The following PCDHA8 variants were observed in gnomAD, a reference collection of about 807,000 sequenced individuals.
PCDHA8 encodes protocadherin alpha-8.
In PCDHA8, 53 loss-of-function variants were observed where a neutral mutation model predicts 61.8. The observed-to-expected ratio is 0.86, with a 90% CI of 0.69 to 1.08. The LOEUF (loss-of-function observed/expected upper bound fraction) is 1.08. PCDHA8 is among the 50% of genes least tolerant of loss of function. The pLI, the probability that PCDHA8 is intolerant of heterozygous loss-of-function variation, is 0.00. For synonymous variants in PCDHA8, 618 were observed against 556.6 expected, an observed-to-expected ratio of 1.11 and a Z score of -1.55; for missense variants, 1,293 against 1,245.0, an observed-to-expected ratio of 1.04 and a Z score of -0.58.
At position 140,948,398 on chromosome 5, in the gene PCDHA8, T is replaced by G. The variant is rs147325819; in HGVS notation, c.2395-30551T>G. 6.9e-3 allele frequency among the ~76,000 whole-genome samples: 1,051 copies of G among 151,748 alleles called. 6 individuals carry two copies. The highest frequency in any genetic ancestry group is 0.017 in the Middle Eastern group (5 of 294). Reference sequence around the variant, plus strand: ...CCTTCCTCTATTTTCTGAAAGGTTGTGTAATATTGGTGTTATTTCTTCCTT... The same window carrying G: ...CCTTCCTCTATTTTCTGAAAGGTTGGGTAATATTGGTGTTATTTCTTCCTT... On this transcript the variant is annotated intron_variant, in intron 1 of 3. Transcript: ENST00000531613.
chr5:140,856,338 G>T lies in PCDHA8; in HGVS notation c.2394+12623G>T, dbSNP rs781903292. The T allele has an allele frequency of 3.9e-5, 62 of 1,598,498 alleles. 11 individuals are homozygous for T. In the Admixed American group the frequency reaches 1.0e-3, roughly 27 times the overall value. On this transcript the variant is annotated intron_variant, in intron 1 of 3. Coordinates refer to ENST00000531613, the MANE Select transcript of PCDHA8 (RefSeq NM_018911.3). ...ATTGACCGCGAGGAGCTGTGCGGGC[G>T]GAGCGTGGAGTGCAGCATCCACCTG...
At chr5:140,996,590 C>G (rs1325471388) in intron 3 of PCDHA8, among the ~76,000 whole-genome samples, 7 of 152,096 alleles carry the variant, frequency 4.6e-5, no homozygotes, top group African/African-American at 1.7e-4. Context: ...CAAGGGCCGC[C>G]TCCCCCCATT....
chr5:140,869,384 A>G, intron 1 of PCDHA8: 1 of 1,614,120 alleles, frequency 6.2e-7, no homozygotes, highest in South Asian at 1.1e-5. Context: ...GACCGCGAGG[A>G]GCTGTGCGGG....
chr5:140,871,755 T>C (rs2053292269), intron 1 of PCDHA8, among the ~76,000 whole-genome samples: 1 of 152,248 alleles, frequency 6.6e-6, no homozygotes. Context: ...AGAAATGAGA[T>C]GCAAGAGTGA....
intron 1 of PCDHA8, chr5:140,869,938 T>TA (rs2051517617): frequency 6.2e-7 from 1 of 1,611,918 alleles, no homozygotes; most frequent in Admixed American, 1.7e-5. Context: ...AGAGGTAACA[T>TA]ACTCCTTAAT....
intron 1 of PCDHA8, among the ~76,000 whole-genome samples, chr5:140,909,116 T>C (rs1273091505): frequency 6.6e-6 from 1 of 152,182 alleles, no homozygotes; most frequent in African/African-American, 2.4e-5. Context: ...ATCAGCAAAA[T>C]GTCATCAAGG....
At position 140,857,846 on chromosome 5, in the gene PCDHA8, T is replaced by C. The variant is rs782107328; in HGVS notation, c.2394+14131T>C. 6.3e-6 allele frequency: 10 copies of C among 1,597,716 alleles called. 1 individual carries two copies. Among genetic ancestry groups the C allele is most frequent in the Non-Finnish European group, 8.6e-6 (10 of 1,167,514 alleles). ...TAAGGTGCGCGCAGTGGACGCTGAC[T>C]CTGGATACAACGCGTGGCTGTCGTA... is the stretch of plus-strand genomic sequence containing the variant. On this transcript the variant is annotated intron_variant, in intron 1 of 3. Coordinates refer to ENST00000531613, the MANE Select transcript of PCDHA8 (RefSeq NM_018911.3).
Position 140,843,329 on chromosome 5 carries a change from G to A in PCDHA8, c.2008G>A (p.Val670Met). 3 of 1,596,060 alleles carry A rather than the reference G, an allele frequency of 1.9e-6. No individual in the cohort carries two copies. The highest frequency in any genetic ancestry group is 2.6e-6 in the Non-Finnish European group (3 of 1,165,592). ...CACGGCCACGGTTCTGGTGTCGCTG[G>A]TGGAGAGCGGCCAGGCTCCAAAAGC... ...TATATVLVSL[V>M]ESGQAPKASS... is the part of the protein sequence containing the mutation. Residue 670 changes from valine (V) to methionine (M), a missense_variant, in exon 1 of 4, where the codon GTG becomes ATG. Val to Met is a conservative substitution (Grantham distance 21). Coordinates refer to ENST00000531613, the MANE Select transcript of PCDHA8 (RefSeq NM_018911.3).
intron 1 of PCDHA8, chr5:140,860,433 T>C (rs2046395592): frequency 6.6e-6 from 1 of 152,064 alleles, no homozygotes; most frequent in Non-Finnish European, 1.5e-5. Context: ...GCAAATATGA[T>C]CTTTTTCATA....
chr5:140,986,634 A>C (rs1587175680), intron 3 of PCDHA8, among the ~76,000 whole-genome samples: 3 of 152,202 alleles, frequency 2.0e-5, no homozygotes, highest in South Asian at 2.1e-4. Flanking sequence ...GCAACAGTAC[A>C]TTAGTTTTAG....
At chr5:140,926,986 C>T (rs782199565) in intron 1 of PCDHA8, 1 of 1,610,712 alleles carries the variant, frequency 6.2e-7, no homozygotes, top group Non-Finnish European at 8.5e-7. Flanking sequence ...GGAGACGGAG[C>T]GGGGCGTAGC....
At position 140,848,981 on chromosome 5, in the gene PCDHA8, C is replaced by A. The variant is rs2150427833; in HGVS notation, c.2394+5266C>A. 2.6e-5 allele frequency: 41 copies of A among 1,598,746 alleles called. No homozygotes were observed. The Middle Eastern group carries it at 5.0e-4, about 19-fold the overall frequency. On this transcript the variant is annotated intron_variant, in intron 1 of 3. Transcript: ENST00000531613. ...TAGAGGGCGCGTCCGATGCAGATAT[C>A]GGGGAGAACGCCCTGCTCACTTACA...
chr5:140,876,236 T>C (rs782328225), intron 1 of PCDHA8: 24 of 1,613,974 alleles, frequency 1.5e-5, no homozygotes, highest in Non-Finnish European at 1.4e-5. Flanking sequence ...TCTGAAAATG[T>C]CCAAAACGAC....
chr5:140,869,679 G>A, intron 1 of PCDHA8: 1 of 1,613,452 alleles, frequency 6.2e-7, no homozygotes, highest in Non-Finnish European at 8.5e-7. Flanking sequence ...TTAAAAGACT[G>A]TCACTTATTT....
Position 141,011,605 on chromosome 5 carries a change from T to C in PCDHA8, c.*1668T>C, listed in dbSNP as rs971128266. On this transcript the variant is annotated 3_prime_UTR_variant, in exon 4 of 4. Coordinates refer to ENST00000531613, the MANE Select transcript of PCDHA8 (RefSeq NM_018911.3). The stretch of plus-strand genomic sequence containing the variant: ...AAGATACTGGTGATTCAAGGAATTT[T>C]ATTTATGGTCCAGCCAAGAGCCATC... 4 of 153,780 alleles carry C rather than the reference T, an allele frequency of 2.6e-5. No homozygotes were observed. Among genetic ancestry groups the C allele is most frequent in the Non-Finnish European group, 4.4e-5 (3 of 68,032 alleles). 9.5% of individuals were successfully genotyped at this position (153,780 alleles called of 1,614,324 possible). A position where few individuals can be genotyped will look rare whatever the true frequency, so the allele number is the denominator to read the frequency against.
chr5:140,883,119 C>T, intron 1 of PCDHA8: 1 of 1,613,998 alleles, frequency 6.2e-7, no homozygotes, highest in Non-Finnish European at 8.5e-7. Context: ...TTTAGAAGGC[C>T]TGTATGGCCT....
At chr5:140,871,360 AG>A in intron 1 of PCDHA8, 1 of 1,614,180 alleles carries the variant, frequency 6.2e-7, no homozygotes, top group East Asian at 2.2e-5. Context: ...CTCGCAGCAG[AG>A]GCGGCAGAGG....
In PCDHA8 at chr5:140,841,358, C is replaced by A. The variant is rs2150314140; in HGVS notation, c.37C>A (p.Arg13=). ...CTGGCGAGGAGAGCTGGGATCCTGGCGACTACTACTCTTGCTTCTGCTCCT... is the reference window on the plus strand; with the variant it reads ...CTGGCGAGGAGAGCTGGGATCCTGGAGACTACTACTCTTGCTTCTGCTCCT... ...YHWRGELGSW[R]LLLLLLLLAA... Residue 13 remains arginine, a synonymous_variant, in exon 1 of 4, where the codon CGA becomes AGA. Coordinates refer to ENST00000531613, the MANE Select transcript of PCDHA8 (RefSeq NM_018911.3). 11 of 1,612,868 alleles carry A rather than the reference C, an allele frequency of 6.8e-6. No homozygotes were observed. In the Admixed American group the frequency reaches 1.2e-4, roughly 17 times the overall value.
At position 141,011,612 on chromosome 5, in the gene PCDHA8, G is replaced by A. The variant is rs1031311936; in HGVS notation, c.*1675G>A. 11 of 153,524 alleles carry A rather than the reference G, an allele frequency of 7.2e-5. No individual in the cohort carries two copies. The highest frequency in any genetic ancestry group is 1.6e-4 in the Non-Finnish European group (11 of 67,990). 9.5% of individuals were successfully genotyped at this position (153,524 alleles called of 1,614,324 possible). A position where few individuals can be genotyped will look rare whatever the true frequency, so the allele number is the denominator to read the frequency against. On this transcript the variant is annotated 3_prime_UTR_variant, in exon 4 of 4. Coordinates refer to ENST00000531613, the MANE Select transcript of PCDHA8 (RefSeq NM_018911.3). ...TGGTGATTCAAGGAATTTTATTTAT[G>A]GTCCAGCCAAGAGCCATCTCGTGCC...
Sources: gnomAD v4.1 joint callset for allele counts (sites outside exome capture counted in the v4.1 genomes callset) on GRCh38, gnomAD v4.1.1 for gene constraint, MANE v1.5 for transcripts, NCBI Gene and HGNC (gene_info 2026-07-23, HGNC 2026-07-21) for gene names.